Variants in CSRP1 observed in about 807,000 individuals in gnomAD.
The protein encoded by CSRP1 is cysteine and glycine-rich protein 1.
CSRP1 carries 16 observed loss-of-function variants against 25.4 expected under a neutral mutation model. That is an observed-to-expected ratio of 0.63 (90% CI 0.43 to 0.96). CSRP1 has a LOEUF of 0.96. CSRP1 is among the 40% of genes least tolerant of loss of function. The pLI is 0.00. For missense variants in CSRP1, 212 were observed against 243.6 expected, an observed-to-expected ratio of 0.87 and a Z score of 0.86; for synonymous variants, 97 against 95.3, an observed-to-expected ratio of 1.02 and a Z score of -0.10.
chr1:201,485,286 T>G lies in CSRP1; in HGVS notation c.502A>C (p.Lys168Gln). The G allele has an allele frequency of 6.2e-7, 1 of 1,614,104 alleles. No individual in the cohort carries two copies. Among genetic ancestry groups the G allele is most frequent in the Non-Finnish European group, 8.5e-7 (1 of 1,179,964 alleles). The change falls in exon 5 of 6, where the codon AAA becomes CAA. Residue 168 changes from lysine (K) to glutamine (Q), a missense_variant. By Grantham distance (53) the Lys-to-Gln change is moderately conservative (BLOSUM62 1). Transcript: ENST00000340006. Reference sequence around the variant, plus strand: ...AATTAGAAGTGAAAACACCCACCTTTGCAGTAAATCTCGCCATCCTTGTCT... The same window carrying G: ...AATTAGAAGTGAAAACACCCACCTTGGCAGTAAATCTCGCCATCCTTGTCT... ...LADKDGEIYC[K>Q]GCYAKNFGPK...
chr1:201,485,441 C>T (rs1185172479), intron 4 of CSRP1, 65 bp from the exon 5 acceptor site: 1 of 1,441,316 alleles, frequency 6.9e-7, no homozygotes, highest in East Asian at 2.3e-5. Context: ...ACCCCAGGCC[C>T]ACTCCCTTTG....
chr1:201,505,601 G>A (rs1372066108), intron 1 of CSRP1, among the ~76,000 whole-genome samples: 4 of 152,152 alleles, frequency 2.6e-5, no homozygotes, highest in Non-Finnish European at 4.4e-5. Flanking sequence ...CCCTCTGCAG[G>A]ATAAACTTCC....
At chr1:201,496,171 T>C (rs2102411194) in intron 2 of CSRP1, 21 bp downstream of exon 2, 2 of 1,599,414 alleles carry the variant, frequency 1.3e-6, no homozygotes, top group South Asian at 1.1e-5. Context: ...GCAACAGCAA[T>C]AGGGCCTGGG....
chr1:201,499,124 CT>C (rs1382380547), intron 1 of CSRP1, among the ~76,000 whole-genome samples: 1 of 152,218 alleles, frequency 6.6e-6, no homozygotes, highest in Non-Finnish European at 1.5e-5. Flanking sequence ...CCTTCAGCCT[CT>C]TTCTGTACTG....
intron 4 of CSRP1, chr1:201,488,557 C>A: frequency 4.8e-6 from 1 of 207,016 alleles, no homozygotes; most frequent in Non-Finnish European, 9.7e-6. Context: ...CTCTGCAGCC[C>A]ATCCACGTAC....
intron 1 of CSRP1, among the ~76,000 whole-genome samples, chr1:201,502,395 A>G (rs1255356393): frequency 1.3e-5 from 2 of 152,182 alleles, no homozygotes. Context: ...GTGTCCAGAG[A>G]GCAGCTGAGG....
chr1:201,485,282 C>T lies in CSRP1; in HGVS notation c.505+1G>A, dbSNP rs1553300790. ...CCTCAATTAGAAGTGAAAACACCCA[C>T]CTTTGCAGTAAATCTCGCCATCCTT... On this transcript the variant is annotated splice_donor_variant, in intron 5 of 5. Transcript: ENST00000340006. LOFTEE classifies it high-confidence loss of function. 2 of 1,614,078 alleles carry T rather than the reference C, an allele frequency of 1.2e-6. No individual in the cohort carries two copies. The highest frequency in any genetic ancestry group is 1.7e-6 in the Non-Finnish European group (2 of 1,179,958).
intron 4 of CSRP1, 97 bp downstream of exon 4, chr1:201,488,758 C>A: frequency 7.0e-7 from 1 of 1,434,926 alleles, no homozygotes; most frequent in Middle Eastern, 1.8e-4. Flanking sequence ...GCTCAGGCTG[C>A]CCTGAGCAGA....
chr1:201,501,900 T>A (rs1664680904), intron 1 of CSRP1, among the ~76,000 whole-genome samples: 1 of 151,928 alleles, frequency 6.6e-6, no homozygotes, highest in South Asian at 2.1e-4. Flanking sequence ...GGCTGAGGCA[T>A]GAGAATTGCT....
intron 1 of CSRP1, among the ~76,000 whole-genome samples, chr1:201,500,270 G>A (rs1436939210): frequency 5.3e-5 from 8 of 152,214 alleles, no homozygotes; most frequent in East Asian, 1.9e-4. Context: ...TAGCCACATG[G>A]TTGGGAGCCA....
At position 201,483,549 on chromosome 1, in the gene CSRP1, A is replaced by C. The variant is rs1558304796; in HGVS notation, c.*1164T>G. ...CCAGAGTTCTGGTCTAAACAGCTTTATTGACCAGATGAGAAATCAGCTTGG... is the reference window on the plus strand; with the variant it reads ...CCAGAGTTCTGGTCTAAACAGCTTTCTTGACCAGATGAGAAATCAGCTTGG... On this transcript the variant is annotated 3_prime_UTR_variant, in exon 6 of 6. Coordinates refer to ENST00000340006, the MANE Select transcript of CSRP1 (RefSeq NM_004078.3). The C allele has an allele frequency of 6.1e-6, 1 of 163,018 alleles. No homozygotes were observed. Among genetic ancestry groups the C allele is most frequent in the Non-Finnish European group, 1.4e-5 (1 of 73,528 alleles). 10.1% of individuals were successfully genotyped at this position (163,018 alleles called of 1,614,324 possible).
At chr1:201,491,256 C>A (rs1466249081) in intron 2 of CSRP1, 1 of 152,032 alleles carries the variant, frequency 6.6e-6, no homozygotes, top group African/African-American at 2.4e-5. Context: ...GATGGCATAA[C>A]CCTGTCTCTA....
intron 3 of CSRP1, chr1:201,489,678 G>C (rs912545178): frequency 1.3e-5 from 2 of 155,412 alleles, no homozygotes; most frequent in African/African-American, 4.8e-5. Context: ...TCTATAAAAA[G>C]AGGAGGCAAC....
At chr1:201,505,979 C>T (rs1205259396) in intron 1 of CSRP1, among the ~76,000 whole-genome samples, 1 of 152,222 alleles carries the variant, frequency 6.6e-6, no homozygotes, top group Admixed American at 6.5e-5. Flanking sequence ...ACTGAGAGAT[C>T]ACTCCTGTGT....
Position 201,483,640 on chromosome 1 carries a change from G to C in CSRP1, c.*1073C>G, listed in dbSNP as rs1664041326. On this transcript the variant is annotated 3_prime_UTR_variant, in exon 6 of 6. Coordinates refer to ENST00000340006, the MANE Select transcript of CSRP1 (RefSeq NM_004078.3). ...GATAGTGTTGTCCTTTCAGTTGCTG[G>C]GAGCGGTGAGGCCCAGCCCTTTCCC... 9.1e-6 allele frequency: 2 copies of C among 218,956 alleles called. No homozygotes were observed. The highest frequency in any genetic ancestry group is 1.9e-5 in the Non-Finnish European group (2 of 106,376). The allele number at this position is 218,956 out of a possible 1,614,324, so 13.6% of individuals were successfully genotyped here. A position where few individuals can be genotyped will look rare whatever the true frequency, so the allele number is the denominator to read the frequency against.
intron 3 of CSRP1, 192 bp from the exon 4 acceptor site, chr1:201,489,176 G>GGAAATAACATTGTGC: frequency 1.8e-6 from 1 of 571,178 alleles, no homozygotes; most frequent in Non-Finnish European, 3.0e-6. Context: ...TCAGCACAAT[G>GGAAATAACATTGTGC]TTATTTCCAT....
chr1:201,494,780 G>A (rs1374345071), intron 2 of CSRP1, among the ~76,000 whole-genome samples: 3 of 152,210 alleles, frequency 2.0e-5, no homozygotes, highest in Non-Finnish European at 1.5e-5. Flanking sequence ...CCCTGGTGAG[G>A]GCTTCTTTGT....
chr1:201,497,656 T>G (rs1467454803), intron 1 of CSRP1, among the ~76,000 whole-genome samples: 1 of 152,144 alleles, frequency 6.6e-6, no homozygotes, highest in Non-Finnish European at 1.5e-5. Context: ...CTGCCACTCA[T>G]TAGCTGTGTG....
Position 201,485,383 on chromosome 1 carries a change from AG to A in CSRP1, c.412-8del. On this transcript the variant is annotated splice_polypyrimidine_tract_variant and splice_region_variant and intron_variant, in intron 4 of 5. Transcript: ENST00000340006. ...AGCAGGCCTTATGCCAGGACTAGGC[AG>A]GGAAGGAAATAGTTAATGGCTGCCA... is the stretch of plus-strand genomic sequence containing the variant. 5 of 1,613,960 alleles carry A rather than the reference AG, an allele frequency of 3.1e-6. No individual in the cohort carries two copies. The highest frequency in any genetic ancestry group is 4.2e-6 in the Non-Finnish European group (5 of 1,179,830).
Sources: allele counts gnomAD v4.1 joint callset (sites outside exome capture counted in the v4.1 genomes callset), GRCh38; gene constraint gnomAD v4.1.1; transcripts MANE v1.5; gene names NCBI Gene and HGNC (gene_info 2026-07-23, HGNC 2026-07-21).